The following HPS4 variants were observed in gnomAD, a reference collection of about 807,000 sequenced individuals.
HPS4 encodes the protein BLOC-3 complex member HPS4.
In HPS4, 44 loss-of-function variants were observed where a neutral mutation model predicts 70.3. The ratio of observed to expected loss-of-function variants is 0.63; its 90% CI spans 0.49 to 0.80. HPS4 has a LOEUF of 0.80. Among genes scored for constraint, HPS4 ranks in the 30% least tolerant of loss-of-function variants. The pLI, the probability that HPS4 is intolerant of heterozygous loss-of-function variation, is 0.00. For synonymous variants in HPS4, 377 were observed against 355.9 expected, an observed-to-expected ratio of 1.06 and a Z score of -0.67; for missense variants, 873 against 884.4, an observed-to-expected ratio of 0.99 and a Z score of 0.16.
At chr22:26,453,621 T>C (rs1200338290) in intron 13 of HPS4, 2 of 604,382 alleles carry the variant, frequency 3.3e-6, no homozygotes, top group South Asian at 3.7e-5. Flanking sequence ...GCTGGAAGAG[T>C]CCGTGGCGGG....
chr22:26,466,734 C>CTCTCGTTTGTTCATGCTATACCCAATA, intron 8 of HPS4: 1 of 204,664 alleles, frequency 4.9e-6, no homozygotes, highest in Non-Finnish European at 1.0e-5. Context: ...TATACCCAAT[C>CTCTCGTTTGTTCATGCTATACCCAATA]TCTCGTTTGT....
intron 4 of HPS4, chr22:26,476,462 T>A (rs2090557033): frequency 6.4e-6 from 1 of 156,200 alleles, no homozygotes; most frequent in Non-Finnish European, 1.4e-5. Context: ...AATCCTCCCC[T>A]CAGCCTCCCC....
At position 26,468,431 on chromosome 22, in the gene HPS4, C is replaced by T. The variant is rs142779335; in HGVS notation, c.669+120G>A. ...GAATGACATTGGAGGACTTGGGGTC[C>T]TGACAAGACCAAGTGAAACAACTGC... On this transcript the variant is annotated intron_variant, in intron 8 of 13. Transcript: ENST00000398145. The T allele has an allele frequency of 5.7e-4, 484 of 851,584 alleles. 2 individuals are homozygous for T. The African/African-American group carries it at 6.7e-3, about 12-fold the overall frequency. The allele number at this position is 851,584 out of a possible 1,614,324, so 52.8% of individuals were successfully genotyped here. A position where few individuals can be genotyped will look rare whatever the true frequency, so the allele number is the denominator to read the frequency against.
intron 3 of HPS4, among the ~76,000 whole-genome samples, chr22:26,477,536 G>C (rs1428110250): frequency 6.6e-6 from 1 of 152,196 alleles, no homozygotes; most frequent in East Asian, 1.9e-4. Flanking sequence ...GGAGTGGCCA[G>C]AGGGATGCAG....
At chr22:26,444,511 C>T (rs1046453) in exon 4 of HPS4, 18,918 of 152,242 alleles carry the variant, frequency 0.12, 1,669 homozygotes, top group South Asian at 0.37. Context: ...TAGAAATAGC[C>T]TGTGTTAGCT....
downstream of HPS4, among the ~76,000 whole-genome samples, chr22:26,446,000 C>T (rs1163012579): frequency 6.6e-6 from 1 of 152,170 alleles, no homozygotes; most frequent in Non-Finnish European, 1.5e-5. Flanking sequence ...CCGGGCTGGG[C>T]TGCCACAACA....
chr22:26,476,094 T>G (rs933584247), intron 4 of HPS4: 1 of 152,064 alleles, frequency 6.6e-6, no homozygotes, highest in African/African-American at 2.4e-5. Flanking sequence ...AAGGAATGAA[T>G]AGATAGGTAA....
Position 26,453,395 on chromosome 22 carries a change from G to A in HPS4, c.1965C>T (p.Ser655=), listed in dbSNP as rs1394017879. ...GGTTGCAACAGGCGTACACAGCCGT[G>A]GAGGCATTTCTGTTGGAGGAAGAAA... ...ALYEMTVRNA[S]TAVYACCNPI... The change falls in exon 14 of 14, where the codon TCC becomes TCT. Residue 655 remains serine (S), a synonymous_variant. Coordinates refer to ENST00000398145, the MANE Select transcript of HPS4 (RefSeq NM_022081.6). 1.2e-6 allele frequency: 2 copies of A among 1,614,008 alleles called. No individual in the cohort carries two copies. Among genetic ancestry groups the A allele is most frequent in the Non-Finnish European group, 1.7e-6 (2 of 1,180,032 alleles).
At chr22:26,454,140 G>C (rs920032598) in intron 13 of HPS4, among the ~76,000 whole-genome samples, 13 of 152,248 alleles carry the variant, frequency 8.5e-5, no homozygotes, top group African/African-American at 2.9e-4. Flanking sequence ...GGTGGAGTCA[G>C]GGACTGCTAA....
At chr22:26,461,200 G>A (rs1250660401) in intron 11 of HPS4, among the ~76,000 whole-genome samples, 3 of 152,204 alleles carry the variant, frequency 2.0e-5, no homozygotes, top group Admixed American at 6.5e-5. Flanking sequence ...TAGAGATACC[G>A]GTTTCCCAGT....
At chr22:26,477,678 C>G in intron 3 of HPS4, among the ~76,000 whole-genome samples, 1 of 152,096 alleles carries the variant, frequency 6.6e-6, no homozygotes, top group Non-Finnish European at 1.5e-5. Context: ...TATACACCAC[C>G]CATGAAGAAT....
Position 26,458,552 on chromosome 22 carries a change from T to C in HPS4, c.1739A>G (p.Asn580Ser), listed in dbSNP as rs779471156. The change falls in exon 12 of 14, where the codon AAT (asparagine) becomes AGT (serine). Residue 580 changes from asparagine (N) to serine (S), a missense_variant. By Grantham distance (46) the Asn-to-Ser change is conservative. Coordinates refer to ENST00000398145, the MANE Select transcript of HPS4 (RefSeq NM_022081.6). Reference protein sequence around the residue: ...EVYHSSLASLNGLEVHLKETL... With the variant: ...EVYHSSLASLSGLEVHLKETL... ...CTCTTTCAGGTGGACTTCCAGCCCA[T>C]TCAGTGAAGCCAGGCTGCTGTGGTA... The C allele has an allele frequency of 1.2e-6, 2 of 1,614,082 alleles. No homozygotes were observed. The highest frequency in any genetic ancestry group is 1.7e-6 in the Non-Finnish European group (2 of 1,180,010).
At chr22:26,475,330 A>C (rs2090380228) in intron 4 of HPS4, 1 of 152,058 alleles carries the variant, frequency 6.6e-6, no homozygotes, top group South Asian at 2.1e-4. Flanking sequence ...ATGTAACCAC[A>C]AACAAGCATT....
downstream of HPS4, among the ~76,000 whole-genome samples, chr22:26,449,007 G>A (rs1161760743): frequency 6.6e-6 from 1 of 152,126 alleles, no homozygotes; most frequent in Non-Finnish European, 1.5e-5. Context: ...TCAGGGGTTG[G>A]GAGAGGAGTG....
downstream of HPS4, chr22:26,443,270 G>A (rs547025455): frequency 5.7e-5 from 78 of 1,357,462 alleles, no homozygotes; most frequent in Non-Finnish European, 7.1e-5. Flanking sequence ...ACTGTGGTCC[G>A]GTCCAGTCCC....
At chr22:26,449,706 C>T (rs1428829591), downstream of HPS4, among the ~76,000 whole-genome samples, 1 of 152,196 alleles carries the variant, frequency 6.6e-6, no homozygotes, top group Admixed American at 6.5e-5. Flanking sequence ...TTCTCACGCC[C>T]TCCGTGCTCT....
rs754550717 is a variant in HPS4 at position 26,453,339 on chromosome 22, G to A, written c.2021C>T (p.Ala674Val). ...PIQETYFQQLAPAARSSGFPN... is the reference protein window; with the variant it reads ...PIQETYFQQLVPAARSSGFPN... ...GAAGCCGGAGCTCCGTGCTGCAGGTGCCAGCTGCTGGAAATATGTCTCCTG... is the reference window on the plus strand; with the variant it reads ...GAAGCCGGAGCTCCGTGCTGCAGGTACCAGCTGCTGGAAATATGTCTCCTG... Residue 674 changes from alanine to valine, a missense_variant, in exon 14 of 14, where the codon GCA becomes GTA. By Grantham distance (64) the Ala-to-Val change is moderately conservative. Coordinates refer to ENST00000398145, the MANE Select transcript of HPS4 (RefSeq NM_022081.6). The A allele has an allele frequency of 6.2e-6, 10 of 1,614,184 alleles. No individual in the cohort carries two copies. In the South Asian group the frequency reaches 1.1e-4, roughly 18 times the overall value.
chr22:26,458,756 G>C (rs1367118496), intron 11 of HPS4, among the ~76,000 whole-genome samples, 179 bp from the exon 12 acceptor site: 1 of 151,650 alleles, frequency 6.6e-6, no homozygotes, highest in African/African-American at 2.4e-5. Flanking sequence ...AGGAGTTTAA[G>C]GCTGCAGTGA....
intron 11 of HPS4, among the ~76,000 whole-genome samples, chr22:26,462,343 C>A (rs188566135): frequency 7.9e-5 from 12 of 152,272 alleles, no homozygotes; most frequent in African/African-American, 2.6e-4. Context: ...CTTCAGCTTC[C>A]CAGCTATCAC....
Sources: allele counts gnomAD v4.1 joint callset (sites outside exome capture counted in the v4.1 genomes callset), GRCh38; gene constraint gnomAD v4.1.1; transcripts MANE v1.5; gene names NCBI Gene and HGNC (gene_info 2026-07-23, HGNC 2026-07-21).